VRK2: variants seen among roughly 807,000 people sequenced by gnomAD.
VRK2 encodes the protein serine/threonine-protein kinase VRK2.
VRK2 carries 60 observed loss-of-function variants against 57.6 expected under a neutral mutation model. The observed-to-expected ratio is 1.04, with a 90% CI of 0.85 to 1.29. The LOEUF is 1.29. VRK2 is among the 50% of genes most tolerant of loss of function. VRK2 has a pLI of 0.00. For synonymous variants in VRK2, 231 were observed against 199.2 expected, an observed-to-expected ratio of 1.16 and a Z score of -1.35; for missense variants, 705 against 588.1, an observed-to-expected ratio of 1.20 and a Z score of -2.06.
Position 57,979,576 on chromosome 2 carries a change from T to A in VRK2, c.-438-46089T>A, listed in dbSNP as rs113086192. On this transcript the variant is annotated intron_variant, in intron 1 of 15. Coordinates refer to the VRK2 transcript ENST00000417641. ...ATAGAATTAGTTAAGGAGGAGTCCC[T>A]CCTCCTTGATTTTTTGGAATAATTT... 5.3e-5 allele frequency among the ~76,000 whole-genome samples: 8 copies of A among 152,014 alleles called. 1 individual carries two copies. Among genetic ancestry groups the A allele is most frequent in the African/African-American group, 1.9e-4 (8 of 41,332 alleles).
chr2:58,057,662 T>G (rs1039152659), intron 2 of VRK2, among the ~76,000 whole-genome samples: 2 of 152,172 alleles, frequency 1.3e-5, no homozygotes, highest in African/African-American at 4.8e-5. Flanking sequence ...TTTCAAAGAA[T>G]GTAAGCACAA....
At chr2:58,086,208 A>G (rs890675340) in intron 4 of VRK2, 131 bp from the exon 5 acceptor site, 2 of 728,994 alleles carry the variant, frequency 2.7e-6, no homozygotes, top group Admixed American at 3.1e-5. Flanking sequence ...GAGATGTTTG[A>G]TTGAAAAAAA....
At chr2:58,058,615 A>G (rs1379102575) in intron 2 of VRK2, 1 of 244,318 alleles carries the variant, frequency 4.1e-6, no homozygotes, top group Non-Finnish European at 8.4e-6. Flanking sequence ...AGAGTAGTAG[A>G]TGTGTCAGAT....
intron 4 of VRK2, among the ~76,000 whole-genome samples, chr2:58,085,843 A>AT (rs1341648726): frequency 6.6e-6 from 1 of 151,464 alleles, no homozygotes; most frequent in Non-Finnish European, 1.5e-5. Context: ...AGTGGATTTG[A>AT]TTTTTTGTAA....
At chr2:58,099,876 T>A (rs1327304787) in intron 7 of VRK2, among the ~76,000 whole-genome samples, 4 of 152,092 alleles carry the variant, frequency 2.6e-5, no homozygotes, top group Non-Finnish European at 4.4e-5. Flanking sequence ...TTCAACTAAG[T>A]GATCTCAAAG....
At position 58,159,413 on chromosome 2, in the gene VRK2, T is replaced by G. The variant is rs749191700; in HGVS notation, c.1247T>G (p.Phe416Cys). ...GAACCTTTGAATGAAGTAAACAGTT[T>G]CCCACAAAAAATCAGCTATACACAA... Reference protein sequence around the residue: ...SQEPLNEVNSFPQKISYTQFP... With the variant: ...SQEPLNEVNSCPQKISYTQFP... Residue 416 changes from phenylalanine to cysteine, a missense_variant, in exon 13 of 13, where the codon TTC becomes TGC. Phe to Cys is a radical substitution (Grantham distance 205). Transcript: ENST00000340157. 6.2e-7 allele frequency: 1 copy of G among 1,613,564 alleles called. No individual in the cohort carries two copies. The highest frequency in any genetic ancestry group is 8.5e-7 in the Non-Finnish European group (1 of 1,179,698).
chr2:58,046,751 C>G (rs1048027416), upstream of VRK2: 49 of 985,410 alleles, frequency 5.0e-5, no homozygotes, highest in Non-Finnish European at 5.9e-5. Flanking sequence ...CTAGGGAGGG[C>G]AGGCTCGAGT....
chr2:57,986,201 C>T (rs1672587903), intron 1 of VRK2, among the ~76,000 whole-genome samples: 1 of 151,858 alleles, frequency 6.6e-6, no homozygotes, highest in Admixed American at 6.6e-5. Flanking sequence ...ATCAAGTCAT[C>T]TCTCTTCTAT....
chr2:58,159,453 T>C lies in VRK2; in HGVS notation c.1287T>C (p.Phe429=). 6.2e-7 allele frequency: 1 copy of C among 1,613,696 alleles called. No individual in the cohort carries two copies. The highest frequency in any genetic ancestry group is 1.3e-5 in the African/African-American group (1 of 75,040). ...KISYTQFPNS[F]YEPHQDFTSP... is the part of the protein sequence containing the mutation. ...GCTATACACAATTCCCAAACTCATTTTATGAGCCTCATCAAGATTTTACCA... is the reference window on the plus strand; with the variant it reads ...GCTATACACAATTCCCAAACTCATTCTATGAGCCTCATCAAGATTTTACCA... The change falls in exon 13 of 13, where the codon TTT becomes TTC. Residue 429 remains phenylalanine, a synonymous_variant. Transcript: ENST00000340157.
chr2:57,943,579 G>C (rs556554696), intron 1 of VRK2, among the ~76,000 whole-genome samples: 1 of 152,314 alleles, frequency 6.6e-6, no homozygotes, highest in South Asian at 2.1e-4. Flanking sequence ...TAGTGAGTAA[G>C]ATGGACATAA....
At chr2:57,996,753 A>G (rs192691458) in intron 1 of VRK2, among the ~76,000 whole-genome samples, 13 of 152,242 alleles carry the variant, frequency 8.5e-5, no homozygotes, top group East Asian at 3.9e-4. Flanking sequence ...TCTAAGATGT[A>G]TAAGTCCCTT....
At chr2:57,964,689 C>T (rs192522940) in intron 1 of VRK2, among the ~76,000 whole-genome samples, 1 of 151,908 alleles carries the variant, frequency 6.6e-6, no homozygotes, top group African/African-American at 2.4e-5. Flanking sequence ...GTTGGGAGAC[C>T]AGCCTGGCCA....
upstream of VRK2, among the ~76,000 whole-genome samples, chr2:58,042,686 G>A (rs1395932886): frequency 2.0e-5 from 3 of 152,076 alleles, no homozygotes; most frequent in Non-Finnish European, 4.4e-5. Flanking sequence ...AAAGCAGAAC[G>A]CATGCCATAC....
rs531793982 is a variant in VRK2, at chr2:57,919,664, G to T, written c.-439+11825G>T. Among the ~76,000 whole-genome samples, 42 of 152,084 alleles carry T rather than the reference G, an allele frequency of 2.8e-4. 2 individuals carry two copies. The South Asian group carries it at 8.7e-3, about 32-fold the overall frequency. On this transcript the variant is annotated intron_variant, in intron 1 of 15. Coordinates refer to the VRK2 transcript ENST00000417641. The stretch of plus-strand genomic sequence containing the variant: ...CCAGAAATTTTGAAGGACTGAGCAA[G>T]GTTATATTTTTCCTTAGCACATTCT...
intron 12 of VRK2, chr2:58,147,197 C>A (rs781321569): frequency 1.9e-6 from 1 of 517,962 alleles, no homozygotes; most frequent in African/African-American, 1.9e-5. Flanking sequence ...AAACTGAGCA[C>A]TGAATTTGGC....
intron 1 of VRK2, among the ~76,000 whole-genome samples, chr2:57,955,247 G>A (rs974537957): frequency 1.3e-5 from 2 of 152,054 alleles, no homozygotes; most frequent in South Asian, 2.1e-4. Context: ...TCAACACTAT[G>A]AAAAATAATG....
intron 12 of VRK2, among the ~76,000 whole-genome samples, chr2:58,155,876 C>G (rs1035471385): frequency 6.6e-6 from 1 of 151,154 alleles, no homozygotes; most frequent in Non-Finnish European, 1.5e-5. Flanking sequence ...GTAGACCTGT[C>G]CTCCCCCAGG....
At chr2:57,986,242 T>C (rs1476919800) in intron 1 of VRK2, among the ~76,000 whole-genome samples, 2 of 151,988 alleles carry the variant, frequency 1.3e-5, no homozygotes, top group Non-Finnish European at 2.9e-5. Context: ...AATACCTACA[T>C]AAGTAGAAAA....
chr2:57,987,916 T>G (rs979913291), intron 1 of VRK2, among the ~76,000 whole-genome samples: 1 of 152,146 alleles, frequency 6.6e-6, no homozygotes, highest in African/African-American at 2.4e-5. Flanking sequence ...CTACATATAC[T>G]TAAAAACTTA....
Sources: allele counts gnomAD v4.1 joint callset (sites outside exome capture counted in the v4.1 genomes callset), GRCh38; gene constraint gnomAD v4.1.1; transcripts MANE v1.5; gene names NCBI Gene and HGNC (gene_info 2026-07-23, HGNC 2026-07-21).